Variants in SLC36A1 observed in about 807,000 individuals in gnomAD.
SLC36A1 encodes proton-coupled amino acid transporter 1.
SLC36A1 carries 30 observed loss-of-function variants against 47.5 expected under a neutral mutation model. The observed-to-expected ratio is 0.63, with a 90% CI of 0.47 to 0.86. The LOEUF is 0.86. Ranked by LOEUF, SLC36A1 falls within the 40% of genes least tolerant of loss-of-function variation. The pLI is 0.00. For missense variants in SLC36A1, 517 were observed against 606.0 expected (o/e 0.85, Z 1.54); for synonymous variants, 255 against 249.7 (o/e 1.02, Z -0.20).
the SLC36A1 span, among the ~76,000 whole-genome samples, chr5:151,376,373 T>G: frequency 1.3e-5 from 2 of 152,198 alleles, no homozygotes; most frequent in Non-Finnish European, 2.9e-5. Flanking sequence ...AACCAACTTT[T>G]TGTTTTGTTG....
chr5:151,525,997 G>A, the SLC36A1 span: 2 of 1,605,860 alleles, frequency 1.2e-6, no homozygotes, highest in Non-Finnish European at 8.5e-7. Context: ...AAGGCAAAGA[G>A]CAGAATGAGT....
intron 2 of SLC36A1, among the ~76,000 whole-genome samples, chr5:151,461,375 T>C (rs1755484237): frequency 6.6e-6 from 1 of 152,158 alleles, no homozygotes; most frequent in Admixed American, 6.5e-5. Context: ...GACAGCCTCA[T>C]TTTATGCTGT....
At chr5:151,504,864 G>C in the SLC36A1 span, 1 of 152,670 alleles carries the variant, frequency 6.6e-6, no homozygotes, top group East Asian at 1.9e-4. Context: ...AGGTGGGCCC[G>C]TTCCTCTGCG....
chr5:151,356,339 C>CAAA, the SLC36A1 span, among the ~76,000 whole-genome samples: 3,559 of 50,836 alleles, frequency 0.07, 412 homozygotes, highest in African/African-American at 0.17. Context: ...CTCTGTCTCA[C>CAAA]AAAAAAAAAA....
chr5:151,506,905 A>G, the SLC36A1 span, among the ~76,000 whole-genome samples: 2 of 152,076 alleles, frequency 1.3e-5, no homozygotes, highest in Non-Finnish European at 2.9e-5. Flanking sequence ...GGGTCTACAC[A>G]TTTCTGTCAT....
At chr5:151,475,084 G>A (rs1757866439) in intron 8 of SLC36A1, among the ~76,000 whole-genome samples, 1 of 152,032 alleles carries the variant, frequency 6.6e-6, no homozygotes, top group Admixed American at 6.5e-5. Flanking sequence ...CTATCTTAGG[G>A]CTTTTCATTG....
the SLC36A1 span, among the ~76,000 whole-genome samples, chr5:151,548,320 ATCAT>A: frequency 1.3e-5 from 2 of 151,614 alleles, no homozygotes; most frequent in Admixed American, 1.3e-4. Flanking sequence ...ACTATTAAAT[ATCAT>A]TAATTATGTA....
the SLC36A1 span, chr5:151,546,207 C>A: frequency 6.2e-7 from 1 of 1,614,140 alleles, no homozygotes; most frequent in South Asian, 1.1e-5. Flanking sequence ...CCAGGTCATG[C>A]CATTGTGGGG....
intron 2 of SLC36A1, among the ~76,000 whole-genome samples, chr5:151,460,740 C>G (rs1435432438): frequency 2.6e-5 from 4 of 151,248 alleles, no homozygotes; most frequent in Non-Finnish European, 5.9e-5. Flanking sequence ...CCTTCTTAAC[C>G]TAAATTAATA....
the SLC36A1 span, chr5:151,540,793 C>T: frequency 6.3e-7 from 1 of 1,587,936 alleles, no homozygotes; most frequent in Non-Finnish European, 8.6e-7. Context: ...CTTTCAGAAG[C>T]CAAGCAATAG....
the SLC36A1 span, chr5:151,545,324 G>A: frequency 6.2e-7 from 1 of 1,614,170 alleles, no homozygotes; most frequent in Non-Finnish European, 8.5e-7. Context: ...TTCCGAGAGA[G>A]TCCCAGGAAA....
At chr5:151,474,183 A>AAAAAAAAAAAAAAAAAAATTATCTTC (rs1561770143) in intron 8 of SLC36A1, among the ~76,000 whole-genome samples, 29 of 145,434 alleles carry the variant, frequency 2.0e-4, no homozygotes, top group African/African-American at 7.3e-4. Flanking sequence ...AAAAAAAGAA[A>AAAAAAAAAAAAAAAAAAATTATCTTC]TTATCTTCTG....
the SLC36A1 span, among the ~76,000 whole-genome samples, chr5:151,417,397 CAG>C: frequency 6.6e-6 from 1 of 152,170 alleles, no homozygotes; most frequent in African/African-American, 2.4e-5. Flanking sequence ...AATTGGGACA[CAG>C]GGCACTATGT....
Position 151,488,923 on chromosome 5 carries a change from C to G in SLC36A1, c.*669C>G, listed in dbSNP as rs1267811230. On this transcript the variant is annotated 3_prime_UTR_variant, in exon 11 of 11. Transcript: ENST00000243389. ...TAGTTGCTTTAGCTCTTAAAACATA[C>G]GAAGTGTTGCCTAAACTGAAAATAT... 6.6e-6 allele frequency: 1 copy of G among 152,164 alleles called. No homozygotes were observed. Among genetic ancestry groups the G allele is most frequent in the Non-Finnish European group, 1.5e-5 (1 of 68,032 alleles). 9.4% of individuals were successfully genotyped at this position (152,164 alleles called of 1,614,324 possible).
Position 151,488,109 on chromosome 5 carries a change from T to A in SLC36A1, c.1286T>A (p.Met429Lys). The change falls in exon 11 of 11, where the codon ATG becomes AAG. Residue 429 changes from methionine (M) to lysine (K), a missense_variant. Met to Lys is a moderately conservative substitution (Grantham distance 95, BLOSUM62 -1). Coordinates refer to ENST00000243389, the MANE Select transcript of SLC36A1 (RefSeq NM_078483.4). ...GTCACCACCTTCTACTCAGAGGGCA[T>A]GAGCCCCCTCACCATCTTTAAGGAC... Reference protein sequence around the residue: ...LEVTTFYSEGMSPLTIFKDAL... With the variant: ...LEVTTFYSEGKSPLTIFKDAL... 6.2e-7 allele frequency: 1 copy of A among 1,614,214 alleles called. No individual in the cohort carries two copies. The highest frequency in any genetic ancestry group is 8.5e-7 in the Non-Finnish European group (1 of 1,180,024).
Position 151,447,740 on chromosome 5 carries a change from G to A in SLC36A1, c.-79G>A, listed in dbSNP as rs56859579. 0.7 allele frequency: 106,991 copies of A among 151,894 alleles called. 39,253 individuals are homozygous for A. The highest frequency in any genetic ancestry group is 0.92 in the African/African-American group (38,109 of 41,460). 9.4% of individuals were successfully genotyped at this position (151,894 alleles called of 1,614,324 possible). On this transcript the variant is annotated 5_prime_UTR_variant, in exon 1 of 11. Coordinates refer to ENST00000243389, the MANE Select transcript of SLC36A1 (RefSeq NM_078483.4). The stretch of plus-strand genomic sequence containing the variant: ...ACCCGAGCAGTGAGTTCCTCCACTG[G>A]CTGCCGGCTGGCGGCGCTCGCCGCC...
intron 1 of SLC36A1, among the ~76,000 whole-genome samples, chr5:151,457,028 G>A (rs1005690171): frequency 3.9e-5 from 6 of 152,126 alleles, no homozygotes; most frequent in African/African-American, 1.2e-4. Context: ...ACAGTCTGAC[G>A]GGCAAGTAGC....
chr5:151,509,610 T>C, the SLC36A1 span: 3 of 186,096 alleles, frequency 1.6e-5, no homozygotes, highest in African/African-American at 4.7e-5. Flanking sequence ...ATATATCTAA[T>C]GCCCGATCTG....
upstream of SLC36A1, among the ~76,000 whole-genome samples, chr5:151,434,193 A>G (rs1381677518): frequency 1.3e-5 from 2 of 152,244 alleles, no homozygotes; most frequent in African/African-American, 2.4e-5. Context: ...AAATTTAAAT[A>G]TAGCACAAGA....
Sources: allele counts gnomAD v4.1 joint callset (sites outside exome capture counted in the v4.1 genomes callset), GRCh38; gene constraint gnomAD v4.1.1; transcripts MANE v1.5; gene names NCBI Gene and HGNC (gene_info 2026-07-23, HGNC 2026-07-21).